ATIC: variants seen among roughly 807,000 people sequenced by gnomAD.
ATIC encodes the protein 5-aminoimidazole-4-carboxamide ribonucleotide formyltransferase/IMP cyclohydrolase.
A neutral mutation model predicts 72.5 loss-of-function variants in ATIC; 64 were observed. That is an observed-to-expected ratio of 0.88 (90% CI 0.72 to 1.09). The LOEUF is 1.09. Ranked by LOEUF, ATIC falls within the 50% of genes least tolerant of loss-of-function variation. The pLI is 0.00. For missense variants in ATIC, 787 were observed against 732.4 expected (o/e 1.07, Z -0.86); for synonymous variants, 281 against 267.1 (o/e 1.05, Z -0.51).
At chr2:215,361,315 G>C in the ATIC span, 9 of 529,938 alleles carry the variant, frequency 1.7e-5, no homozygotes, top group Non-Finnish European at 3.1e-5. Flanking sequence ...ATACTGAGCG[G>C]TATTGAATAC....
chr2:215,353,962 G>GT (rs2053148510), downstream of ATIC, among the ~76,000 whole-genome samples: 1 of 152,116 alleles, frequency 6.6e-6, no homozygotes, highest in Non-Finnish European at 1.5e-5. Context: ...ACACTGTTTG[G>GT]TTTTTTATTG....
At chr2:215,314,762 G>T (rs1475088957) in intron 2 of ATIC, among the ~76,000 whole-genome samples, 3 of 152,042 alleles carry the variant, frequency 2.0e-5, no homozygotes, top group Non-Finnish European at 2.9e-5. Flanking sequence ...GGCCTGCTGG[G>T]ATTACAGGTG....
chr2:215,348,659 T>G (rs1170864425), intron 14 of ATIC: 1 of 429,744 alleles, frequency 2.3e-6, no homozygotes. Context: ...ATAATGGTCA[T>G]TATTTACAAT....
chr2:215,364,356 G>C, the ATIC span: 1 of 185,484 alleles, frequency 5.4e-6, no homozygotes, highest in East Asian at 1.3e-4. Flanking sequence ...CATCAGAATG[G>C]AGTTGGAGGC....
intron 3 of ATIC, among the ~76,000 whole-genome samples, chr2:215,318,706 A>G (rs1190174969): frequency 2.0e-5 from 3 of 152,242 alleles, no homozygotes; most frequent in East Asian, 3.9e-4. Context: ...TTGTGGTACA[A>G]TTTGGTGAAT....
chr2:215,353,677 T>C (rs1325316673), downstream of ATIC, among the ~76,000 whole-genome samples: 1 of 152,124 alleles, frequency 6.6e-6, no homozygotes. Flanking sequence ...TTCTCCTGCC[T>C]CAACCTCTTG....
rs758639646 is a variant in ATIC, at chr2:215,338,908, G to C, written c.1227+1G>C. On this transcript the variant is annotated splice_donor_variant, in intron 12 of 15. Coordinates refer to ENST00000236959, the MANE Select transcript of ATIC (RefSeq NM_004044.7). LOFTEE classifies it high-confidence loss of function. ...CAATGTTGTTACCAAAAATAAAGATGTAAGTTGGGAAGTATCTGAACTGAC... is the reference window on the plus strand; with the variant it reads ...CAATGTTGTTACCAAAAATAAAGATCTAAGTTGGGAAGTATCTGAACTGAC... 6.2e-7 allele frequency: 1 copy of C among 1,613,114 alleles called. No individual in the cohort carries two copies. The highest frequency in any genetic ancestry group is 8.5e-7 in the Non-Finnish European group (1 of 1,179,416).
chr2:215,362,117 G>T, the ATIC span: 1 of 1,462,476 alleles, frequency 6.8e-7, no homozygotes. Flanking sequence ...TGGGGTTTAT[G>T]ATAACCTGAG....
At chr2:215,312,374 G>T in intron 1 of ATIC, 124 bp from the exon 2 acceptor site, 1 of 1,564,984 alleles carries the variant, frequency 6.4e-7, no homozygotes, top group Non-Finnish European at 8.8e-7. Context: ...GACCAGGCCT[G>T]CGAACGCAGG....
the ATIC span, among the ~76,000 whole-genome samples, chr2:215,357,550 T>C: frequency 3.9e-5 from 6 of 152,242 alleles, no homozygotes; most frequent in African/African-American, 1.4e-4. Context: ...TACTGAGGAA[T>C]GTTAAAAAAG....
At chr2:215,364,093 A>AT in the ATIC span, among the ~76,000 whole-genome samples, 1 of 152,128 alleles carries the variant, frequency 6.6e-6, no homozygotes, top group African/African-American at 2.4e-5. Flanking sequence ...CCTACCCAGA[A>AT]CTGTATTTGT....
At chr2:215,357,715 AAAC>A in the ATIC span, among the ~76,000 whole-genome samples, 7 of 152,190 alleles carry the variant, frequency 4.6e-5, no homozygotes, top group Non-Finnish European at 7.3e-5. Context: ...GTGATAATGA[AAAC>A]AACGTGCATT....
chr2:215,331,802 G>A (rs1316813814), intron 7 of ATIC, among the ~76,000 whole-genome samples: 1 of 152,148 alleles, frequency 6.6e-6, no homozygotes, highest in Non-Finnish European at 1.5e-5. Context: ...ACTAGGTAAT[G>A]GAAAACTCTG....
At chr2:215,354,527 C>A (rs958982048), downstream of ATIC, among the ~76,000 whole-genome samples, 6 of 152,044 alleles carry the variant, frequency 3.9e-5, no homozygotes, top group Non-Finnish European at 8.8e-5. Context: ...ATTCCTATAT[C>A]TCTTAGCCTT....
downstream of ATIC, among the ~76,000 whole-genome samples, chr2:215,351,321 G>C (rs897556275): frequency 6.6e-6 from 1 of 152,206 alleles, no homozygotes. Flanking sequence ...CACAGATACA[G>C]AGAGATGCAT....
chr2:215,341,839 C>CT (rs2053022601), intron 12 of ATIC, among the ~76,000 whole-genome samples: 1 of 152,094 alleles, frequency 6.6e-6, no homozygotes, highest in African/African-American at 2.4e-5. Flanking sequence ...TTTTATCACG[C>CT]TGCTATGAAG....
At chr2:215,360,456 T>G in the ATIC span, 4 of 152,232 alleles carry the variant, frequency 2.6e-5, no homozygotes, top group Non-Finnish European at 5.9e-5. Context: ...TCAAATACTT[T>G]TAATATCTTA....
chr2:215,312,411 G>GA, intron 1 of ATIC, 87 bp from the exon 2 acceptor site: 2 of 1,608,170 alleles, frequency 1.2e-6, no homozygotes, highest in South Asian at 2.2e-5. Flanking sequence ...TGCGATTCGA[G>GA]AATCTCCTCC....
chr2:215,361,822 T>C, the ATIC span: 4 of 1,161,670 alleles, frequency 3.4e-6, no homozygotes, highest in Admixed American at 2.3e-5. Flanking sequence ...TTAAACTATA[T>C]TATGGAATAC....
Sources: gnomAD v4.1 joint callset for allele counts (sites outside exome capture counted in the v4.1 genomes callset) on GRCh38, gnomAD v4.1.1 for gene constraint, MANE v1.5 for transcripts, NCBI Gene and HGNC (gene_info 2026-07-23, HGNC 2026-07-21) for gene names.